UBE2G1: variants seen among roughly 807,000 people sequenced by gnomAD.
UBE2G1 encodes the protein ubiquitin-conjugating enzyme E2 G1.
Under a neutral mutation model 22.7 loss-of-function variants are expected in UBE2G1, and 5 were observed. The observed-to-expected ratio is 0.22, with a 90% CI of 0.12 to 0.46. The LOEUF (loss-of-function observed/expected upper bound fraction) is 0.46. UBE2G1 is among the 20% of genes least tolerant of loss of function. The pLI, the probability that UBE2G1 is intolerant of heterozygous loss-of-function variation, is 0.99. For missense variants in UBE2G1, 88 were observed against 203.9 expected, an observed-to-expected ratio of 0.43 and a Z score of 3.46; for synonymous variants, 74 against 67.5, an observed-to-expected ratio of 1.10 and a Z score of -0.47.
chr17:4,359,808 C>T (rs528257696), intron 1 of UBE2G1, among the ~76,000 whole-genome samples: 1 of 149,926 alleles, frequency 6.7e-6, no homozygotes, highest in South Asian at 2.1e-4. Flanking sequence ...GCCAAGATCT[C>T]GCCACTATAC....
intron 5 of UBE2G1, among the ~76,000 whole-genome samples, chr17:4,274,493 G>A (rs184754309): frequency 6.6e-6 from 1 of 152,084 alleles, no homozygotes; most frequent in Non-Finnish European, 1.5e-5. Context: ...CACCACGCCT[G>A]GCCAAATTGA....
At chr17:4,353,663 C>T (rs1221117344) in intron 1 of UBE2G1, among the ~76,000 whole-genome samples, 3 of 151,838 alleles carry the variant, frequency 2.0e-5, no homozygotes, top group African/African-American at 7.3e-5. Context: ...CAGGCACGTG[C>T]CACCACACCC....
At chr17:4,310,369 A>G (rs1969296034) in intron 1 of UBE2G1, among the ~76,000 whole-genome samples, 1 of 152,260 alleles carries the variant, frequency 6.6e-6, no homozygotes, top group Non-Finnish European at 1.5e-5. Context: ...CACACAAAAA[A>G]GAAGGGCACA....
chr17:4,278,836 T>A (rs1052333533), intron 5 of UBE2G1, among the ~76,000 whole-genome samples: 1 of 152,222 alleles, frequency 6.6e-6, no homozygotes, highest in Non-Finnish European at 1.5e-5. Flanking sequence ...CTAAATTTTT[T>A]CTAGAAACCA....
intron 1 of UBE2G1, among the ~76,000 whole-genome samples, chr17:4,330,178 C>A (rs1197427739): frequency 6.6e-6 from 1 of 152,016 alleles, no homozygotes; most frequent in Non-Finnish European, 1.5e-5. Context: ...TTAACACCAT[C>A]TATAGTATGG....
chr17:4,320,913 G>A, intron 1 of UBE2G1, among the ~76,000 whole-genome samples: 1 of 151,898 alleles, frequency 6.6e-6, no homozygotes, highest in East Asian at 1.9e-4. Flanking sequence ...TATGAGCTGA[G>A]AGGAGTGAAA....
chr17:4,292,739 G>A (rs1368998468), intron 3 of UBE2G1, among the ~76,000 whole-genome samples: 3 of 152,102 alleles, frequency 2.0e-5, no homozygotes, highest in African/African-American at 7.2e-5. Flanking sequence ...TTTGACTTTT[G>A]ATGTTATCCT....
intron 5 of UBE2G1, among the ~76,000 whole-genome samples, chr17:4,279,374 GA>G (rs1401917159): frequency 6.6e-6 from 1 of 151,974 alleles, no homozygotes; most frequent in African/African-American, 2.4e-5. Flanking sequence ...TACCAGTGGT[GA>G]AAGCAAGGAC....
intron 1 of UBE2G1, among the ~76,000 whole-genome samples, chr17:4,322,284 TC>T (rs1407164207): frequency 6.6e-6 from 1 of 152,180 alleles, no homozygotes; most frequent in East Asian, 1.9e-4. Flanking sequence ...CCAGGTCCAA[TC>T]CAAGATTTCT....
chr17:4,365,295 T>G (rs1041858359), intron 1 of UBE2G1, among the ~76,000 whole-genome samples: 2 of 152,196 alleles, frequency 1.3e-5, no homozygotes, highest in Non-Finnish European at 2.9e-5. Context: ...TGGGGCTGCA[T>G]TGTGAAGCCA....
chr17:4,351,030 C>CAAAAAA (rs796508050), intron 1 of UBE2G1, among the ~76,000 whole-genome samples: 1 of 109,926 alleles, frequency 9.1e-6, no homozygotes, highest in African/African-American at 3.4e-5. Context: ...AAGACTTCGT[C>CAAAAAA]AAAAAAAAAA....
intron 4 of UBE2G1, among the ~76,000 whole-genome samples, chr17:4,288,049 T>C (rs1490522473): frequency 6.6e-6 from 1 of 152,178 alleles, no homozygotes; most frequent in African/African-American, 2.4e-5. Flanking sequence ...TCCTGAAACA[T>C]TTTGGGGTGA....
chr17:4,305,543 G>A (rs906606089), intron 2 of UBE2G1, among the ~76,000 whole-genome samples: 4 of 152,006 alleles, frequency 2.6e-5, no homozygotes, highest in Non-Finnish European at 5.9e-5. Flanking sequence ...GACCAGAGAC[G>A]GTTTTGTTTT....
chr17:4,339,576 A>ATTAC (rs1006600562), intron 1 of UBE2G1, among the ~76,000 whole-genome samples: 69 of 152,118 alleles, frequency 4.5e-4, no homozygotes, highest in Admixed American at 4.3e-3. Flanking sequence ...AAGTGCTGGG[A>ATTAC]TTACAGGCGT....
chr17:4,353,380 T>C (rs184855949), intron 1 of UBE2G1, among the ~76,000 whole-genome samples: 56 of 152,170 alleles, frequency 3.7e-4, no homozygotes, highest in African/African-American at 1.3e-3. Flanking sequence ...GAAGTAGCTA[T>C]ATTGTATTAC....
intron 4 of UBE2G1, among the ~76,000 whole-genome samples, chr17:4,285,644 G>C (rs1178101492): frequency 6.6e-6 from 1 of 152,192 alleles, no homozygotes; most frequent in Non-Finnish European, 1.5e-5. Flanking sequence ...CAGGCTGAGA[G>C]AGTCAATCAA....
chr17:4,298,984 G>A lies in UBE2G1; in HGVS notation c.150-2170C>T, dbSNP rs376282079. ...TAAGTCTTTATCTACTGATCCTGTT[G>A]CTCTGTGTAAGTTAGTGCCAAAATG... On this transcript the variant is annotated intron_variant, in intron 2 of 5. Coordinates refer to ENST00000396981, the MANE Select transcript of UBE2G1 (RefSeq NM_003342.5). 2.0e-4 allele frequency among the ~76,000 whole-genome samples: 30 copies of A among 152,264 alleles called. No homozygotes were observed. In the South Asian group the frequency reaches 2.7e-3, roughly 14 times the overall value.
intron 1 of UBE2G1, among the ~76,000 whole-genome samples, chr17:4,323,804 A>G (rs920292333): frequency 2.0e-5 from 3 of 152,162 alleles, no homozygotes; most frequent in Non-Finnish European, 4.4e-5. Flanking sequence ...CGGCCTCCCA[A>G]AGTCCTGGGA....
intron 1 of UBE2G1, among the ~76,000 whole-genome samples, chr17:4,313,889 A>G (rs1969338902): frequency 6.6e-6 from 1 of 152,210 alleles, no homozygotes; most frequent in Admixed American, 6.5e-5. Context: ...TAAAAAGGAA[A>G]CCCAGGGACA....
Sources: gnomAD v4.1 joint callset for allele counts (sites outside exome capture counted in the v4.1 genomes callset) on GRCh38, gnomAD v4.1.1 for gene constraint, MANE v1.5 for transcripts, NCBI Gene and HGNC (gene_info 2026-07-23, HGNC 2026-07-21) for gene names.